ASCL2: variants seen among roughly 807,000 people sequenced by gnomAD.
ASCL2 encodes the protein achaete-scute homolog 2.
ASCL2 carries 6 observed loss-of-function variants against 5.1 expected under a neutral mutation model. The ratio of observed to expected loss-of-function variants is 1.17; its 90% confidence interval spans 0.64 to 2.31. The LOEUF (loss-of-function observed/expected upper bound fraction) is 2.31, where lower values mean the gene tolerates loss of function less well. Ranked by LOEUF, ASCL2 falls within the 30% of genes most tolerant of loss-of-function variation. The probability of loss-of-function intolerance (pLI) is 0.00; values close to 1 mark genes in which losing one functional copy is unlikely to be tolerated. For missense variants in ASCL2, 320 were observed against 310.3 expected (o/e 1.03, Z -0.23); for synonymous variants, 174 against 157.3 (o/e 1.11, Z -0.80).
At chr11:2,269,681 T>TG in intron 1 of ASCL2, 52 bp downstream of exon 1, 534 of 687,744 alleles carry the variant, frequency 7.8e-4, no homozygotes, top group Non-Finnish European at 1.0e-3. Flanking sequence ...GCCCACCCCG[T>TG]CCCTCCACCC....
At chr11:2,269,676 CCCCGTCCCTCCACCCCGG>C in intron 1 of ASCL2, 39 bp downstream of exon 1, 20 of 1,084,280 alleles carry the variant, frequency 1.8e-5, no homozygotes, top group East Asian at 3.3e-5. Context: ...GGCCTGCCCA[CCCCGTCCCTCCACCCCGG>C]CCCCCGGCCC....
chr11:2,269,605 TC>T (rs1283640016), intron 1 of ASCL2, 127 bp downstream of exon 1: 4 of 811,774 alleles, frequency 4.9e-6, no homozygotes, highest in Non-Finnish European at 6.8e-6. Flanking sequence ...GTGAGCGAAA[TC>T]GAAGCCATCG....
chr11:2,269,788 T>A lies in ASCL2; in HGVS notation c.545A>T (p.Glu182Val), dbSNP rs1047587557. The A allele has an allele frequency of 3.4e-6, 5 of 1,452,270 alleles. No individual in the cohort carries two copies. The African/African-American group carries it at 7.4e-5, about 21-fold the overall frequency. 90.0% of individuals were successfully genotyped at this position (1,452,270 alleles called of 1,614,324 possible). ...TAACCAGCTGGAGAAGTCGAGTAGC[T>A]CGCGCTCCGCAGGACTCAGCGCGCC... ...CEGALSPAER[E>V]LLDFSSWLGG... The change falls in exon 1 of 2, where the codon GAG becomes GTG. Residue 182 changes from glutamate (E) to valine (V), a missense_variant. Glu to Val is a moderately radical substitution (Grantham distance 121). Transcript: ENST00000331289.
Position 2,270,306 on chromosome 11 carries a change from G to A in ASCL2, c.27C>T (p.Ser9=). 1.5e-6 allele frequency: 2 copies of A among 1,318,926 alleles called. No homozygotes were observed. The highest frequency in any genetic ancestry group is 9.6e-7 in the Non-Finnish European group (1 of 1,039,728). The allele number at this position is 1,318,926 out of a possible 1,614,324, so 81.7% of individuals were successfully genotyped here. The part of the protein sequence containing the change: MDGGTLPR[S]APPAPPVPVG... The stretch of plus-strand genomic sequence containing the variant: ...CAGGGACGGGGGGCGCAGGGGGCGC[G>A]GACCTGGGCAGTGTGCCGCCGTCCA... Residue 9 remains serine (S), a synonymous_variant, in exon 1 of 2, where the codon TCC becomes TCT. Transcript: ENST00000331289.
In ASCL2 at chr11:2,268,950, A is replaced by G. The variant is rs1013335612; in HGVS notation, c.*195T>C. 5 of 145,872 alleles carry G rather than the reference A, an allele frequency of 3.4e-5. No individual in the cohort carries two copies. Among genetic ancestry groups the G allele is most frequent in the Non-Finnish European group, 7.6e-5 (5 of 65,838 alleles). The allele number at this position is 145,872 out of a possible 1,614,324, so 9.0% of individuals were successfully genotyped here. On this transcript the variant is annotated 3_prime_UTR_variant, in exon 2 of 2. Coordinates refer to ENST00000331289, the MANE Select transcript of ASCL2 (RefSeq NM_005170.3). The surrounding 1 kb of genome is among the most constrained non-coding windows in gnomAD (Gnocchi z 4.5). ...CGCCAGCCCTTATGGGGCCAGCTCC[A>G]AGCCCGTTTCCACCGCGGCATTGGT...
chr11:2,269,248 G>C (rs569730166), intron 1 of ASCL2, 122 bp from the exon 2 acceptor site: 4 of 152,204 alleles, frequency 2.6e-5, no homozygotes, highest in South Asian at 4.1e-4. Flanking sequence ...CGTTTGCTCG[G>C]TTGGTTTTGG....
chr11:2,270,471 A>G lies in ASCL2; in HGVS notation c.-139T>C, dbSNP rs540940454. The G allele has an allele frequency of 8.0e-7, 1 of 1,249,942 alleles. No homozygotes were observed. Among genetic ancestry groups the G allele is most frequent in the East Asian group, 3.2e-5 (1 of 30,868 alleles). The allele number at this position is 1,249,942 out of a possible 1,614,324, so 77.4% of individuals were successfully genotyped here. ...GCGCCGCCAGGCAACTCCCCAGGGC[A>G]CGCGTCCTAGGTCGTCTGGAGCCCG... On this transcript the variant is annotated 5_prime_UTR_variant, in exon 1 of 2. Coordinates refer to ENST00000331289, the MANE Select transcript of ASCL2 (RefSeq NM_005170.3).
chr11:2,269,337 A>G (rs1847221068), intron 1 of ASCL2, among the ~76,000 whole-genome samples: 1 of 148,316 alleles, frequency 6.7e-6, no homozygotes, highest in Middle Eastern at 3.5e-3. Context: ...GCGGTGAGTC[A>G]GGGCTCCGCG....
chr11:2,270,036 G>T lies in ASCL2; in HGVS notation c.297C>A (p.Ile99=). The T allele has an allele frequency of 6.9e-7, 1 of 1,447,820 alleles. No individual in the cohort carries two copies. Among genetic ancestry groups the T allele is most frequent in the Middle Eastern group, 2.2e-4 (1 of 4,644 alleles). 89.7% of individuals were successfully genotyped at this position (1,447,820 alleles called of 1,614,324 possible). A position where few individuals can be genotyped will look rare whatever the true frequency, so the allele number is the denominator to read the frequency against. The change falls in exon 1 of 2, where the codon ATC becomes ATA. Residue 99 remains isoleucine (I), a synonymous_variant. Coordinates refer to ENST00000331289, the MANE Select transcript of ASCL2 (RefSeq NM_005170.3). ...CGGCCAGCAGGCGCTGCAGCGCGCG[G>T]ATGTACTCCACGGCTGAGCGCAGCG... ...VETLRSAVEY[I]RALQRLLAEH...
rs1471425758 is a variant in ASCL2 at position 2,270,249 on chromosome 11, G to A, written c.84C>T (p.Ser28=). Residue 28 remains serine (S), a synonymous_variant, in exon 1 of 2, where the codon TCC becomes TCT. Coordinates refer to ENST00000331289, the MANE Select transcript of ASCL2 (RefSeq NM_005170.3). The part of the protein sequence containing the change: ...VGCAARRRPA[S]PELLRCSRRR... ...GCCGGCTGCAGCGCAACAGTTCCGG[G>A]GACGCGGGTCTCCGCCGGGCAGCGC... 2 of 1,417,402 alleles carry A rather than the reference G, an allele frequency of 1.4e-6. No individual in the cohort carries two copies. The highest frequency in any genetic ancestry group is 1.8e-6 in the Non-Finnish European group (2 of 1,091,868). 87.8% of individuals were successfully genotyped at this position (1,417,402 alleles called of 1,614,324 possible). A position where few individuals can be genotyped will look rare whatever the true frequency, so the allele number is the denominator to read the frequency against.
Position 2,269,775 on chromosome 11 carries a change from GA to G in ASCL2, c.557del (p.Phe186SerfsTer5). On this transcript the variant is annotated frameshift_variant, in exon 1 of 2. Transcript: ENST00000331289. LOFTEE classifies it low-confidence loss of function (END_TRUNC). ...LSPAERELLDFSSWLGGY is the reference protein window; with the variant it reads ...LSPAERELLDXSSWLGGY ...CTCAGTAGCCCCCTAACCAGCTGGAGAAGTCGAGTAGCTCGCGCTCCGCAGG... is the reference window on the plus strand; with the variant it reads ...CTCAGTAGCCCCCTAACCAGCTGGAGAGTCGAGTAGCTCGCGCTCCGCAGG... The G allele has an allele frequency of 6.9e-7, 1 of 1,448,330 alleles. No homozygotes were observed. The highest frequency in any genetic ancestry group is 9.1e-7 in the Non-Finnish European group (1 of 1,095,034). The allele number at this position is 1,448,330 out of a possible 1,614,324, so 89.7% of individuals were successfully genotyped here.
rs1338280353 is a variant in ASCL2 at position 2,270,492 on chromosome 11, G to A, written c.-160C>T. The A allele has an allele frequency of 2.1e-5, 25 of 1,218,532 alleles. No individual in the cohort carries two copies. The highest frequency in any genetic ancestry group is 1.6e-4 in the South Asian group (4 of 24,434). 75.5% of individuals were successfully genotyped at this position (1,218,532 alleles called of 1,614,324 possible). A position where few individuals can be genotyped will look rare whatever the true frequency, so the allele number is the denominator to read the frequency against. On this transcript the variant is annotated 5_prime_UTR_variant, in exon 1 of 2. Coordinates refer to ENST00000331289, the MANE Select transcript of ASCL2 (RefSeq NM_005170.3). The stretch of plus-strand genomic sequence containing the variant: ...GGGCACGCGTCCTAGGTCGTCTGGA[G>A]CCCGGGGATAGGAGGCCTAGTGGTG...
chr11:2,269,886 G>C lies in ASCL2; in HGVS notation c.447C>G (p.Ser149=). 7.6e-7 allele frequency: 1 copy of C among 1,322,506 alleles called. No homozygotes were observed. Among genetic ancestry groups the C allele is most frequent in the Non-Finnish European group, 9.7e-7 (1 of 1,030,652 alleles). 81.9% of individuals were successfully genotyped at this position (1,322,506 alleles called of 1,614,324 possible). The change falls in exon 1 of 2, where the codon TCC becomes TCG. Residue 149 remains serine, a synonymous_variant. Coordinates refer to ENST00000331289, the MANE Select transcript of ASCL2 (RefSeq NM_005170.3). ...VAASPSRASS[S]PGRGGSSEPG... is the part of the protein sequence containing the mutation. ...GCTCCGAGCTGCCCCCGCGGCCCGG[G>C]GACGAAGAAGCGCGGGAGGGCGAGG...
In ASCL2 at chr11:2,270,105, G is replaced by T; in HGVS notation, c.228C>A (p.His76Gln). The change falls in exon 1 of 2, where the codon CAC becomes CAA. Residue 76 changes from histidine to glutamine, a missense_variant. Coordinates refer to ENST00000331289, the MANE Select transcript of ASCL2 (RefSeq NM_005170.3). ...TCTTGCTGGCGCCGCCGTGCGGCAC[G>T]TGCTGCCGCAGCGCCTGGAAGCCCA... The part of the protein sequence containing the change: ...VNLGFQALRQ[H>Q]VPHGGASKKL... 1 of 1,512,350 alleles carries T rather than the reference G, an allele frequency of 6.6e-7. No individual in the cohort carries two copies. The highest frequency in any genetic ancestry group is 8.8e-7 in the Non-Finnish European group (1 of 1,135,876). The allele number at this position is 1,512,350 out of a possible 1,614,324, so 93.7% of individuals were successfully genotyped here.
rs955645228 is a variant in ASCL2 at position 2,269,046 on chromosome 11, G to C, written c.*99C>G. The C allele has an allele frequency of 1.3e-5, 2 of 152,024 alleles. No homozygotes were observed. The highest frequency in any genetic ancestry group is 4.8e-5 in the African/African-American group (2 of 41,516). 9.4% of individuals were successfully genotyped at this position (152,024 alleles called of 1,614,324 possible). A position where few individuals can be genotyped will look rare whatever the true frequency, so the allele number is the denominator to read the frequency against. The stretch of plus-strand genomic sequence containing the variant: ...GGTGGGTGGGTCCCCGGCTCGCTGG[G>C]GGCGGAGCGCGGGCCGGTCCACCTG... On this transcript the variant is annotated 3_prime_UTR_variant, in exon 2 of 2. Transcript: ENST00000331289.
rs1298575428 is a variant in ASCL2 at position 2,269,032 on chromosome 11, C to A, written c.*113G>T. 6.6e-6 allele frequency: 1 copy of A among 151,706 alleles called. No homozygotes were observed. The highest frequency in any genetic ancestry group is 1.5e-5 in the Non-Finnish European group (1 of 67,878). 9.4% of individuals were successfully genotyped at this position (151,706 alleles called of 1,614,324 possible). ...GCGGTGCGGGGGGTGGTGGGTGGGT[C>A]CCCGGCTCGCTGGGGGCGGAGCGCG... is the stretch of plus-strand genomic sequence containing the variant. On this transcript the variant is annotated 3_prime_UTR_variant, in exon 2 of 2. Transcript: ENST00000331289.
rs983082595 is a variant in ASCL2 at position 2,270,399 on chromosome 11, G to A, written c.-67C>T. 8.0e-6 allele frequency: 10 copies of A among 1,255,938 alleles called. No individual in the cohort carries two copies. Among genetic ancestry groups the A allele is most frequent in the Admixed American group, 4.3e-5 (1 of 23,528 alleles). 77.8% of individuals were successfully genotyped at this position (1,255,938 alleles called of 1,614,324 possible). On this transcript the variant is annotated 5_prime_UTR_variant, in exon 1 of 2. Transcript: ENST00000331289. ...GCAGGAAGGTGCAGGCAGAGGAACC[G>A]GAGGCGACGGGGAAAACTGTGGCGC... is the stretch of plus-strand genomic sequence containing the variant.
chr11:2,269,739 G>C lies in ASCL2; in HGVS notation c.*12C>G. 7.3e-7 allele frequency: 1 copy of C among 1,365,534 alleles called. No individual in the cohort carries two copies. 84.6% of individuals were successfully genotyped at this position (1,365,534 alleles called of 1,614,324 possible). On this transcript the variant is annotated 3_prime_UTR_variant, in exon 1 of 2. Coordinates refer to ENST00000331289, the MANE Select transcript of ASCL2 (RefSeq NM_005170.3). ...CCTGCCTCCCGGCTGTTACCTCATA[G>C]GTCGAGGGCGCTCAGTAGCCCCCTA...
chr11:2,268,920 G>A lies in ASCL2; in HGVS notation c.*225C>T, dbSNP rs1182029354. ...GCTGTGGGGAGGGGCGGCGTCGGAG[G>A]AAGCCGCCAGCCCTTATGGGGCCAG... On this transcript the variant is annotated 3_prime_UTR_variant, in exon 2 of 2. Coordinates refer to ENST00000331289, the MANE Select transcript of ASCL2 (RefSeq NM_005170.3). The surrounding 1 kb of genome is among the most constrained non-coding windows in gnomAD (Gnocchi z 4.5). 3 of 151,314 alleles carry A rather than the reference G, an allele frequency of 2.0e-5. No homozygotes were observed. The highest frequency in any genetic ancestry group is 6.6e-5 in the Admixed American group (1 of 15,180). The allele number at this position is 151,314 out of a possible 1,614,324, so 9.4% of individuals were successfully genotyped here. A position where few individuals can be genotyped will look rare whatever the true frequency, so the allele number is the denominator to read the frequency against.
Sources: allele counts gnomAD v4.1 joint callset (sites outside exome capture counted in the v4.1 genomes callset), GRCh38; gene constraint gnomAD v4.1.1; non-coding constraint Gnocchi (gnomAD v3.1); transcripts MANE v1.5; gene names NCBI Gene and HGNC (gene_info 2026-07-23, HGNC 2026-07-21).